GLIS2: variants seen among roughly 807,000 people sequenced by gnomAD.
GLIS2 encodes zinc finger protein GLIS2.
A neutral mutation model predicts 35.6 loss-of-function variants in GLIS2; 14 were observed. That is an observed-to-expected ratio of 0.39 (90% confidence interval 0.26 to 0.61). GLIS2 has a LOEUF of 0.61. Ranked by LOEUF, GLIS2 falls within the 20% of genes least tolerant of loss-of-function variation. The pLI, the probability that GLIS2 is intolerant of heterozygous loss-of-function variation, is 0.48. For missense variants in GLIS2, 675 were observed against 713.4 expected, an observed-to-expected ratio of 0.95 and a Z score of 0.61; for synonymous variants, 368 against 325.1, an observed-to-expected ratio of 1.13 and a Z score of -1.42.
upstream of GLIS2, chr16:4,314,927 G>C (rs1277993871): frequency 6.6e-6 from 1 of 152,274 alleles, no homozygotes; most frequent in Non-Finnish European, 1.5e-5. Flanking sequence ...TAACAGGGCG[G>C]GGGGCACGGG....
intron 1 of GLIS2, among the ~76,000 whole-genome samples, chr16:4,323,056 C>G (rs2053394866): frequency 1.3e-5 from 2 of 152,232 alleles, no homozygotes. Flanking sequence ...CATTTGTGCA[C>G]AGGTGTCTGT....
intron 3 of GLIS2, 144 bp downstream of exon 3, chr16:4,333,663 T>A: frequency 1.0e-6 from 1 of 978,120 alleles, no homozygotes; most frequent in Non-Finnish European, 1.5e-6. Context: ...TGGAAGGCTC[T>A]AGGGGAGAAC....
Position 4,337,551 on chromosome 16 carries a change from C to T in GLIS2, c.*27C>T, listed in dbSNP as rs1033988772. ...CCCATCCTGCGGACAGTTGTGGTGCCCCCCCGGCAGCTCCCGGCACTGCCC... is the reference window on the plus strand; with the variant it reads ...CCCATCCTGCGGACAGTTGTGGTGCTCCCCCGGCAGCTCCCGGCACTGCCC... On this transcript the variant is annotated 3_prime_UTR_variant, in exon 7 of 7. Coordinates refer to ENST00000433375, the MANE Select transcript of GLIS2 (RefSeq NM_032575.3). 17 of 1,543,072 alleles carry T rather than the reference C, an allele frequency of 1.1e-5. No homozygotes were observed. Among genetic ancestry groups the T allele is most frequent in the Non-Finnish European group, 1.5e-5 (17 of 1,149,990 alleles).
chr16:4,324,192 G>A (rs1261644267), intron 1 of GLIS2, among the ~76,000 whole-genome samples: 1 of 152,168 alleles, frequency 6.6e-6, no homozygotes, highest in Non-Finnish European at 1.5e-5. Context: ...TCTTGGGAGG[G>A]GGAGGGGCTG....
intron 1 of GLIS2, among the ~76,000 whole-genome samples, chr16:4,325,972 C>T (rs1384639109): frequency 7.0e-6 from 1 of 142,010 alleles, no homozygotes; most frequent in Non-Finnish European, 1.5e-5. Context: ...GACTTGGTGG[C>T]TCACGCCTGT....
Position 4,336,856 on chromosome 16 carries a change from C to T in GLIS2, c.907C>T (p.Arg303Cys), listed in dbSNP as rs1191034539. The change falls in exon 7 of 7, where the codon CGC becomes TGC. Residue 303 changes from arginine (R) to cysteine (C), a missense_variant. Coordinates refer to ENST00000433375, the MANE Select transcript of GLIS2 (RefSeq NM_032575.3). ...YYCKMPGCHKRYTDPSSLRKH... is the reference protein window; with the variant it reads ...YYCKMPGCHKCYTDPSSLRKH... ...CTGCAAGATGCCCGGCTGCCACAAGCGCTACACGGACCCCAGCTCACTGCG... is the reference window on the plus strand; with the variant it reads ...CTGCAAGATGCCCGGCTGCCACAAGTGCTACACGGACCCCAGCTCACTGCG... 71 of 1,613,266 alleles carry T rather than the reference C, an allele frequency of 4.4e-5. No homozygotes were observed. Among genetic ancestry groups the T allele is most frequent in the Non-Finnish European group, 5.9e-5 (70 of 1,180,014 alleles).
intron 1 of GLIS2, chr16:4,331,863 C>T (rs929478801): frequency 1.4e-5 from 4 of 277,224 alleles, no homozygotes; most frequent in African/African-American, 2.2e-5. Flanking sequence ...GTGGGAGGAT[C>T]GCTTGAGCCT....
chr16:4,317,978 CCT>C (rs948424042), intron 1 of GLIS2, among the ~76,000 whole-genome samples: 8 of 152,286 alleles, frequency 5.3e-5, no homozygotes, highest in African/African-American at 1.9e-4. Context: ...CTCTTCGGCC[CCT>C]GAGTGACCCT....
At chr16:4,325,720 G>C (rs2053422900) in intron 1 of GLIS2, among the ~76,000 whole-genome samples, 1 of 151,500 alleles carries the variant, frequency 6.6e-6, no homozygotes, top group South Asian at 2.1e-4. Context: ...TTGAGTCCAG[G>C]AGATCGAGAC....
chr16:4,317,173 G>A (rs1192525377), intron 1 of GLIS2, among the ~76,000 whole-genome samples: 1 of 152,178 alleles, frequency 6.6e-6, no homozygotes, highest in Non-Finnish European at 1.5e-5. Context: ...CCCTGCCCTG[G>A]GGCCTGGGAA....
chr16:4,335,083 G>C lies in GLIS2; in HGVS notation c.546G>C (p.Leu182=). ...WAKCNQLFEL[L]QDLVDHVNDY... ...AGTGTAACCAGCTCTTTGAGCTCCTGCAAGACCTGGTGGACCATGTCAACG... is the reference window on the plus strand; with the variant it reads ...AGTGTAACCAGCTCTTTGAGCTCCTCCAAGACCTGGTGGACCATGTCAACG... The change falls in exon 5 of 7, where the codon CTG becomes CTC. Residue 182 remains leucine (L), a synonymous_variant. Transcript: ENST00000433375. This position sits in a 1 kb window ranked among gnomAD's most constrained non-coding sequence, Gnocchi z 4.6. 1.9e-6 allele frequency: 3 copies of C among 1,613,476 alleles called. No individual in the cohort carries two copies. The highest frequency in any genetic ancestry group is 2.5e-6 in the Non-Finnish European group (3 of 1,180,034).
chr16:4,335,175 G>A lies in GLIS2; in HGVS notation c.638G>A (p.Gly213Asp), dbSNP rs1306208762. 1.2e-6 allele frequency: 2 copies of A among 1,613,530 alleles called. No individual in the cohort carries two copies. The highest frequency in any genetic ancestry group is 1.1e-5 in the South Asian group (1 of 91,088). ...CACTGGGAGGGCTGCGCCCGCCATG[G>A]CCGAGGTTTCAACGCCAGGTGAGGT... The part of the protein sequence containing the change: ...CCHWEGCARH[G>D]RGFNARYKML... Residue 213 changes from glycine to aspartate, a missense_variant, in exon 5 of 7, where the codon GGC becomes GAC. Physicochemically the swap from Gly to Asp is moderately conservative, Grantham distance 94 (BLOSUM62 -1). Transcript: ENST00000433375. This position sits in a 1 kb window ranked among gnomAD's most constrained non-coding sequence, Gnocchi z 4.6.
intron 6 of GLIS2, chr16:4,336,490 A>AGAGG (rs2053552569): frequency 1.6e-6 from 1 of 630,484 alleles, no homozygotes; most frequent in African/African-American, 1.8e-5. Context: ...CCTCTGTAGC[A>AGAGG]GAGGGTGCAG....
chr16:4,323,202 C>CA (rs2053395887), intron 1 of GLIS2, among the ~76,000 whole-genome samples: 2 of 152,190 alleles, frequency 1.3e-5, no homozygotes, highest in Admixed American at 6.5e-5. Context: ...GTCTGTGCCC[C>CA]AGCCTTGCTG....
Position 4,337,604 on chromosome 16 carries a change from T to C in GLIS2, c.*80T>C, listed in dbSNP as rs1161499364. 22 of 1,524,386 alleles carry C rather than the reference T, an allele frequency of 1.4e-5. No individual in the cohort carries two copies. Among genetic ancestry groups the C allele is most frequent in the Middle Eastern group, 4.1e-4 (2 of 4,926 alleles). The allele number at this position is 1,524,386 out of a possible 1,614,324, so 94.4% of individuals were successfully genotyped here. ...GACGAACGGAAACTCTTCTGTGAAA[T>C]AGCAATAATGTCCTACTGCCCGGGC... On this transcript the variant is annotated 3_prime_UTR_variant, in exon 7 of 7. Coordinates refer to ENST00000433375, the MANE Select transcript of GLIS2 (RefSeq NM_032575.3).
At position 4,338,727 on chromosome 16, in the gene GLIS2, C is replaced by G. The variant is rs116981725; in HGVS notation, c.*1203C>G. On this transcript the variant is annotated 3_prime_UTR_variant, in exon 7 of 7. Transcript: ENST00000433375. ...TCCCCACCCCTAACACCCAGTGGGC[C>G]CCCCCAGGTTCTGTGCCACTCAGAG... 0.03 allele frequency: 4,577 copies of G among 153,004 alleles called. 89 individuals carry two copies. Among genetic ancestry groups the G allele is most frequent in the Non-Finnish European group, 0.046 (3,128 of 68,584 alleles). 9.5% of individuals were successfully genotyped at this position (153,004 alleles called of 1,614,324 possible).
Position 4,336,819 on chromosome 16 carries a change from C to G in GLIS2, c.870C>G (p.Asp290Glu). 4.7e-5 allele frequency: 75 copies of G among 1,612,282 alleles called. No homozygotes were observed. Among genetic ancestry groups the G allele is most frequent in the Non-Finnish European group, 6.3e-5 (74 of 1,179,408 alleles). ...AGCACACGCGCACCCACTATGTGGA[C>G]AAGCCCTACTACTGCAAGATGCCCG... ...RFKHTRTHYV[D>E]KPYYCKMPGC... The change falls in exon 7 of 7, where the codon GAC becomes GAG. Residue 290 changes from aspartate to glutamate, a missense_variant. Around this residue, in one of 3 missense-constraint regions of GLIS2, gnomAD observed 133 missense variants for 191.4 expected, o/e 0.69. Coordinates refer to ENST00000433375, the MANE Select transcript of GLIS2 (RefSeq NM_032575.3).
At chr16:4,319,139 T>C (rs1218323650) in intron 1 of GLIS2, among the ~76,000 whole-genome samples, 2 of 151,974 alleles carry the variant, frequency 1.3e-5, no homozygotes, top group Non-Finnish European at 2.9e-5. Context: ...CTGTGCTGGG[T>C]GGAATTGGGG....
intron 1 of GLIS2, among the ~76,000 whole-genome samples, chr16:4,328,047 G>T (rs1344609572): frequency 6.6e-6 from 1 of 152,204 alleles, no homozygotes; most frequent in African/African-American, 2.4e-5. Flanking sequence ...GGAACGGAAG[G>T]CTCCACCAGG....
Sources: allele counts gnomAD v4.1 joint callset (sites outside exome capture counted in the v4.1 genomes callset), GRCh38; gene constraint gnomAD v4.1.1; regional missense constraint gnomAD v4.1.1; non-coding constraint Gnocchi (gnomAD v3.1); transcripts MANE v1.5; gene names NCBI Gene and HGNC (gene_info 2026-07-23, HGNC 2026-07-21).